LMCD1: variants seen among roughly 807,000 people sequenced by gnomAD.
LMCD1 encodes LIM and cysteine-rich domains protein 1.
A neutral mutation model predicts 42.7 loss-of-function variants in LMCD1; 32 were observed. The observed-to-expected ratio is 0.75, with a 90% confidence interval of 0.57 to 1.01. The LOEUF is 1.01. LMCD1 is among the 50% of genes least tolerant of loss of function. The pLI is 0.00. For synonymous variants in LMCD1, 178 were observed against 184.9 expected (o/e 0.96, Z 0.30); for missense variants, 458 against 483.1 (o/e 0.95, Z 0.49).
At position 8,570,700 on chromosome 3, in the gene LMCD1, T is replaced by A. The variant is rs925315895; in HGVS notation, c.*3102T>A. On this transcript the variant is annotated 3_prime_UTR_variant, in exon 6 of 6. Transcript: ENST00000157600. ...ACCCTCTCCACCCACCACTTCCAGATGAATTGCTCAGAAACACACCCTCAT... is the reference window on the plus strand; with the variant it reads ...ACCCTCTCCACCCACCACTTCCAGAAGAATTGCTCAGAAACACACCCTCAT... 1 of 152,258 alleles carries A rather than the reference T, an allele frequency of 6.6e-6. No homozygotes were observed. The highest frequency in any genetic ancestry group is 6.5e-5 in the Admixed American group (1 of 15,282). The allele number at this position is 152,258 out of a possible 1,614,324, so 9.4% of individuals were successfully genotyped here.
chr3:8,513,960 C>A (rs1694050158), intron 1 of LMCD1, among the ~76,000 whole-genome samples: 1 of 152,256 alleles, frequency 6.6e-6, no homozygotes, highest in Non-Finnish European at 1.5e-5. Context: ...TGCTGGCCAT[C>A]TCACTCAGCT....
In LMCD1 at chr3:8,550,049, T is replaced by C. The variant is rs924345052; in HGVS notation, c.723+1146T>C. On this transcript the variant is annotated intron_variant, in intron 4 of 5. Coordinates refer to ENST00000157600, the MANE Select transcript of LMCD1 (RefSeq NM_014583.4). ...GTGTTTGGAGGGGATGTTCAACCCA[T>C]AGGAAGTGGCAGTGTGGAAGAAGTG... 6 of 1,488,072 alleles carry C rather than the reference T, an allele frequency of 4.0e-6. No homozygotes were observed. The African/African-American group carries it at 5.6e-5, about 14-fold the overall frequency. The allele number at this position is 1,488,072 out of a possible 1,614,324, so 92.2% of individuals were successfully genotyped here. A position where few individuals can be genotyped will look rare whatever the true frequency, so the allele number is the denominator to read the frequency against.
chr3:8,532,425 T>C (rs1365161465), intron 1 of LMCD1, among the ~76,000 whole-genome samples: 1 of 152,110 alleles, frequency 6.6e-6, no homozygotes, highest in Non-Finnish European at 1.5e-5. Flanking sequence ...AATAGATAGA[T>C]GGTCACTCAC....
chr3:8,518,565 G>A (rs1382530718), intron 1 of LMCD1, among the ~76,000 whole-genome samples: 1 of 152,184 alleles, frequency 6.6e-6, no homozygotes, highest in East Asian at 1.9e-4. Context: ...GCAGTTGACT[G>A]GGATTCAGAT....
intron 1 of LMCD1, among the ~76,000 whole-genome samples, chr3:8,530,575 C>G (rs1694393214): frequency 6.6e-6 from 1 of 152,220 alleles, no homozygotes; most frequent in Admixed American, 6.5e-5. Flanking sequence ...TGCTTTGCCA[C>G]TTGGAAATGC....
Position 8,565,542 on chromosome 3 carries a change from C to T in LMCD1, c.834C>T (p.Cys278=), listed in dbSNP as rs1695117499. 3.7e-6 allele frequency: 6 copies of T among 1,614,062 alleles called. No individual in the cohort carries two copies. Among genetic ancestry groups the T allele is most frequent in the East Asian group, 2.2e-5 (1 of 44,886 alleles). ...WHPTCFVCAK[C]SEPLVDLIYF... is the part of the protein sequence containing the mutation. ...CCACCTGCTTTGTGTGTGCCAAGTG[C>T]TCCGAGCCGCTGGTGGACCTCATCT... The change falls in exon 5 of 6, where the codon TGC becomes TGT. Residue 278 remains cysteine (C), a synonymous_variant. Transcript: ENST00000157600.
chr3:8,505,872 C>A (rs1481390081), intron 1 of LMCD1, among the ~76,000 whole-genome samples: 1 of 152,212 alleles, frequency 6.6e-6, no homozygotes, highest in Non-Finnish European at 1.5e-5. Flanking sequence ...GTGAGCTGAT[C>A]CAATGTAAAC....
chr3:8,529,810 G>T (rs995631658), intron 1 of LMCD1, among the ~76,000 whole-genome samples: 1 of 152,164 alleles, frequency 6.6e-6, no homozygotes, highest in Non-Finnish European at 1.5e-5. Context: ...ATCTAATTCA[G>T]GGTCTCTCAA....
At chr3:8,536,087 C>T (rs1023893425) in intron 2 of LMCD1, among the ~76,000 whole-genome samples, 6 of 152,216 alleles carry the variant, frequency 3.9e-5, no homozygotes, top group South Asian at 4.1e-4. Context: ...TTCGATCAGA[C>T]GTATTTACCT....
chr3:8,547,960 A>G (rs1373169588), intron 3 of LMCD1, among the ~76,000 whole-genome samples: 1 of 152,210 alleles, frequency 6.6e-6, no homozygotes, highest in Non-Finnish European at 1.5e-5. Context: ...TACGCAGTAT[A>G]GCCTATTGCT....
chr3:8,550,835 CT>C, intron 4 of LMCD1: 1 of 985,276 alleles, frequency 1.0e-6, no homozygotes, highest in Non-Finnish European at 1.2e-6. Flanking sequence ...CTCTAAGTCA[CT>C]GTAGCATTTC....
chr3:8,565,513 C>T lies in LMCD1; in HGVS notation c.805C>T (p.His269Tyr), dbSNP rs1205459018. ...CAGGGCAGGCTACAACAAGCAGTGG[C>T]ACCCCACCTGCTTTGTGTGTGCCAA... is the stretch of plus-strand genomic sequence containing the variant. ...SDRAGYNKQW[H>Y]PTCFVCAKCS... is the part of the protein sequence containing the mutation. The change falls in exon 5 of 6, where the codon CAC (histidine) becomes TAC (tyrosine). Residue 269 changes from histidine (H) to tyrosine (Y), a missense_variant. Coordinates refer to ENST00000157600, the MANE Select transcript of LMCD1 (RefSeq NM_014583.4). 2 of 1,614,210 alleles carry T rather than the reference C, an allele frequency of 1.2e-6. No homozygotes were observed. The highest frequency in any genetic ancestry group is 1.7e-6 in the Non-Finnish European group (2 of 1,180,026).
chr3:8,516,373 T>C (rs1694100933), intron 1 of LMCD1, among the ~76,000 whole-genome samples: 1 of 152,204 alleles, frequency 6.6e-6, no homozygotes, highest in South Asian at 2.1e-4. Context: ...TTTAAGTTTC[T>C]AGTCCTTGAT....
At chr3:8,565,944 G>A (rs868681984) in intron 5 of LMCD1, among the ~76,000 whole-genome samples, 7 of 152,174 alleles carry the variant, frequency 4.6e-5, no homozygotes, top group Non-Finnish European at 8.8e-5. Context: ...CATTGCCCAC[G>A]TTCAAACCTG....
chr3:8,560,771 A>G (rs751103690), intron 4 of LMCD1, among the ~76,000 whole-genome samples: 19 of 152,188 alleles, frequency 1.2e-4, no homozygotes, highest in Non-Finnish European at 2.6e-4. Flanking sequence ...CTGAGTCTCA[A>G]TCATGTGAAG....
chr3:8,537,650 G>T, intron 3 of LMCD1: 1 of 507,338 alleles, frequency 2.0e-6, no homozygotes, highest in Non-Finnish European at 3.4e-6. Context: ...CATGAAATGG[G>T]TAGAGGTGTT....
Position 8,541,265 on chromosome 3 carries a change from G to A in LMCD1, c.387+3825G>A, listed in dbSNP as rs1380395992. Among the ~76,000 whole-genome samples, 3 of 152,176 alleles carry A rather than the reference G, an allele frequency of 2.0e-5. No individual in the cohort carries two copies. The East Asian group carries it at 5.8e-4, about 29-fold the overall frequency. On this transcript the variant is annotated intron_variant, in intron 3 of 5. Transcript: ENST00000157600. ...ACCAAGTAACTCAGAAAGGTCCTCA[G>A]GGGGCCAGGTGCAGTGGCTCGCACC... is the stretch of plus-strand genomic sequence containing the variant.
At chr3:8,564,232 C>A (rs1264543408) in intron 4 of LMCD1, among the ~76,000 whole-genome samples, 1 of 152,012 alleles carries the variant, frequency 6.6e-6, no homozygotes, top group East Asian at 1.9e-4. Flanking sequence ...GCTGTTTTTG[C>A]AATTTTTCTG....
intron 1 of LMCD1, among the ~76,000 whole-genome samples, chr3:8,529,949 C>A (rs975633014): frequency 6.6e-6 from 1 of 152,194 alleles, no homozygotes; most frequent in Non-Finnish European, 1.5e-5. Flanking sequence ...AAGTTGCATT[C>A]TTGTTATCCC....
Sources: allele counts gnomAD v4.1 joint callset (sites outside exome capture counted in the v4.1 genomes callset), GRCh38; gene constraint gnomAD v4.1.1; transcripts MANE v1.5; gene names NCBI Gene and HGNC (gene_info 2026-07-23, HGNC 2026-07-21).